Variants in C13orf42 observed in about 807,000 individuals in gnomAD.
The protein encoded by C13orf42 is uncharacterized protein C13orf42.
At chr13:51,150,586 A>G (rs1207886205) in intron 1 of C13orf42, among the ~76,000 whole-genome samples, 1 of 152,234 alleles carries the variant, frequency 6.6e-6, no homozygotes, top group Non-Finnish European at 1.5e-5. Context: ...ACATTTTTCA[A>G]GAAGACTGGC....
rs539634160 is a variant in C13orf42, at chr13:51,124,732, A to T, written n.137-11510T>A. ...GGAGGTTTTCCAGAGTTTCTTGAAA[A>T]TTTTCGCAGCAGTTTCCTGGCAAAT... On this transcript the variant is annotated intron_variant and non_coding_transcript_variant, in intron 1 of 4. Transcript: ENST00000433280. Among the ~76,000 whole-genome samples, 29 of 152,104 alleles carry T rather than the reference A, an allele frequency of 1.9e-4. No individual in the cohort carries two copies. In the South Asian group the frequency reaches 5.6e-3, roughly 29 times the overall value.
chr13:51,106,616 T>A (rs1300494947), intron 1 of C13orf42, among the ~76,000 whole-genome samples: 1 of 152,034 alleles, frequency 6.6e-6, no homozygotes, highest in Non-Finnish European at 1.5e-5. Flanking sequence ...CAGGTCAGGT[T>A]TGGAGGGTGA....
chr13:51,159,465 G>A (rs1050737512), intron 1 of C13orf42, among the ~76,000 whole-genome samples: 1 of 152,234 alleles, frequency 6.6e-6, no homozygotes, highest in African/African-American at 2.4e-5. Context: ...GCCATGGGGA[G>A]AGACAGGCTT....
chr13:51,155,047 ATATC>A (rs1593555185), intron 1 of C13orf42, among the ~76,000 whole-genome samples: 1 of 152,358 alleles, frequency 6.6e-6, no homozygotes, highest in East Asian at 1.9e-4. Context: ...TTAGAAATAT[ATATC>A]TAATACCTCA....
At chr13:51,114,928 C>T (rs9563024), upstream of C13orf42, among the ~76,000 whole-genome samples, 77,698 of 151,960 alleles carry the variant, frequency 0.51, 20,440 homozygotes, top group African/African-American at 0.64. Flanking sequence ...TGTGGGATGA[C>T]AGATATGTTC....
Position 51,082,120 on chromosome 13 carries a change from G to A in C13orf42, c.*2031C>T, listed in dbSNP as rs1462999561. The stretch of plus-strand genomic sequence containing the variant: ...AAGAAAAGAATCTGTCAACTCAACT[G>A]GGTTTTCTGAATTGACTTTTATTGT... On this transcript the variant is annotated 3_prime_UTR_variant, in exon 4 of 4. Transcript: ENST00000563710. The A allele has an allele frequency of 1.3e-5, 2 of 152,166 alleles. No individual in the cohort carries two copies. Among genetic ancestry groups the A allele is most frequent in the Non-Finnish European group, 2.9e-5 (2 of 68,036 alleles). 9.4% of individuals were successfully genotyped at this position (152,166 alleles called of 1,614,324 possible).
chr13:51,156,951 G>A (rs144085985), intron 1 of C13orf42, among the ~76,000 whole-genome samples: 69 of 152,348 alleles, frequency 4.5e-4, no homozygotes, highest in Admixed American at 1.2e-3. Context: ...TTCACATCCT[G>A]CTGAGCAACA....
intron 1 of C13orf42, among the ~76,000 whole-genome samples, chr13:51,153,202 C>G (rs1953793471): frequency 6.6e-6 from 1 of 152,172 alleles, no homozygotes; most frequent in African/African-American, 2.4e-5. Context: ...TTCTTCAACA[C>G]CCCCTCCCCT....
chr13:51,090,709 C>T (rs9535574), intron 1 of C13orf42, among the ~76,000 whole-genome samples: 6,132 of 152,186 alleles, frequency 0.04, 179 homozygotes, highest in Middle Eastern at 0.12. Context: ...CAGCCTCAGT[C>T]GGTTGCTGTT....
intron 1 of C13orf42, among the ~76,000 whole-genome samples, chr13:51,092,084 G>A (rs939094354): frequency 1.3e-5 from 2 of 152,150 alleles, no homozygotes; most frequent in Non-Finnish European, 2.9e-5. Flanking sequence ...CTGTCCAGGG[G>A]ACAAAACATC....
At chr13:51,099,149 G>A (rs1412330956) in intron 1 of C13orf42, among the ~76,000 whole-genome samples, 1 of 151,986 alleles carries the variant, frequency 6.6e-6, no homozygotes, top group African/African-American at 2.4e-5. Flanking sequence ...GCTATCCTTG[G>A]GATGGAGGTA....
intron 1 of C13orf42, among the ~76,000 whole-genome samples, chr13:51,117,571 C>A (rs1353979684): frequency 1.3e-5 from 2 of 152,106 alleles, no homozygotes; most frequent in African/African-American, 4.8e-5. Flanking sequence ...TTTCCAAACC[C>A]AAGGTAGAAG....
At chr13:51,138,873 A>G (rs563717000) in intron 1 of C13orf42, among the ~76,000 whole-genome samples, 3 of 152,338 alleles carry the variant, frequency 2.0e-5, no homozygotes, top group Non-Finnish European at 2.9e-5. Context: ...ATGAATATAT[A>G]TACACATATA....
chr13:51,113,276 G>C (rs537688050), upstream of C13orf42: 61 of 152,242 alleles, frequency 4.0e-4, no homozygotes, highest in African/African-American at 1.3e-3. Flanking sequence ...AGAACATTTC[G>C]TGAACACGAA....
chr13:51,126,558 G>A (rs987694150), intron 1 of C13orf42, among the ~76,000 whole-genome samples: 6 of 152,128 alleles, frequency 3.9e-5, no homozygotes, highest in African/African-American at 1.4e-4. Flanking sequence ...ATGCATCCAG[G>A]GTTCTGTGAT....
intron 1 of C13orf42, among the ~76,000 whole-genome samples, chr13:51,146,068 T>C (rs1387066804): frequency 6.6e-6 from 1 of 152,220 alleles, no homozygotes; most frequent in Admixed American, 6.5e-5. Context: ...TGCCTGTAGA[T>C]AATACTGTGT....
intron 1 of C13orf42, among the ~76,000 whole-genome samples, chr13:51,140,958 T>A (rs988936931): frequency 6.6e-6 from 1 of 152,110 alleles, no homozygotes; most frequent in African/African-American, 2.4e-5. Context: ...AAATCATAAT[T>A]TGTGTGATTA....
rs1481316815 is a variant in C13orf42 at position 51,111,255 on chromosome 13, C to T, written c.-46G>A. On this transcript the variant is annotated 5_prime_UTR_variant, in exon 1 of 4. Transcript: ENST00000563710. ...GGGTACCTTCCAGCTGCCTGTGCTGCCGCCACTTGATCTAGATGCGGGGAG... is the reference window on the plus strand; with the variant it reads ...GGGTACCTTCCAGCTGCCTGTGCTGTCGCCACTTGATCTAGATGCGGGGAG... The T allele has an allele frequency of 7.5e-6, 3 of 398,408 alleles. No individual in the cohort carries two copies. The highest frequency in any genetic ancestry group is 6.2e-5 in the African/African-American group (3 of 48,620). The allele number at this position is 398,408 out of a possible 1,614,324, so 24.7% of individuals were successfully genotyped here. A position where few individuals can be genotyped will look rare whatever the true frequency, so the allele number is the denominator to read the frequency against.
At chr13:51,100,397 G>A (rs997487602) in intron 1 of C13orf42, among the ~76,000 whole-genome samples, 2 of 151,996 alleles carry the variant, frequency 1.3e-5, no homozygotes, top group African/African-American at 2.4e-5. Flanking sequence ...AAGACAATGC[G>A]CTAATATCCT....
Sources: allele counts gnomAD v4.1 joint callset (sites outside exome capture counted in the v4.1 genomes callset), GRCh38; gene constraint gnomAD v4.1.1; transcripts MANE v1.5; gene names NCBI Gene and HGNC (gene_info 2026-07-23, HGNC 2026-07-21).